PTK2: variants seen among roughly 807,000 people sequenced by gnomAD.
The protein encoded by PTK2 is focal adhesion kinase 1.
Under a neutral mutation model 150.1 loss-of-function variants are expected in PTK2, and 45 were observed. The observed-to-expected ratio is 0.30, with a 90% confidence interval of 0.24 to 0.38. PTK2 has a LOEUF of 0.38. Among genes scored for constraint, PTK2 ranks in the 10% least tolerant of loss-of-function variants. The pLI is 1.00. For missense variants in PTK2, 919 were observed against 1,307.3 expected, an observed-to-expected ratio of 0.70 and a Z score of 4.58; for synonymous variants, 432 against 449.2, an observed-to-expected ratio of 0.96 and a Z score of 0.48.
intron 22 of PTK2, chr8:140,718,128 C>T (rs1039193018): frequency 4.9e-5 from 8 of 164,852 alleles, no homozygotes; most frequent in African/African-American, 1.2e-4. Flanking sequence ...CCAGCACTTA[C>T]GTGATCAATT....
chr8:140,906,820 A>G (rs1250132017), intron 2 of PTK2, among the ~76,000 whole-genome samples: 1 of 152,182 alleles, frequency 6.6e-6, no homozygotes, highest in Admixed American at 6.5e-5. Context: ...AACACAAAGG[A>G]AAGAAAAGTG....
At chr8:140,841,094 T>C (rs962764740) in intron 7 of PTK2, among the ~76,000 whole-genome samples, 2 of 152,262 alleles carry the variant, frequency 1.3e-5, no homozygotes, top group East Asian at 1.9e-4. Context: ...AATAGACTTA[T>C]AGGAAGAAAT....
intron 17 of PTK2, among the ~76,000 whole-genome samples, chr8:140,747,975 T>C (rs1245855260): frequency 1.3e-5 from 2 of 151,450 alleles, no homozygotes; most frequent in Non-Finnish European, 3.0e-5. Context: ...GGTGAATTGC[T>C]GGGGGAGGAG....
intron 27 of PTK2, among the ~76,000 whole-genome samples, chr8:140,683,278 T>C (rs1415606571): frequency 6.6e-6 from 1 of 152,148 alleles, no homozygotes; most frequent in East Asian, 1.9e-4. Flanking sequence ...CCTGGACACA[T>C]ACACATTCCC....
chr8:140,932,921 G>A (rs2100172390), intron 1 of PTK2, among the ~76,000 whole-genome samples: 1 of 151,316 alleles, frequency 6.6e-6, no homozygotes, highest in Non-Finnish European at 1.5e-5. Context: ...GGGCAATCTC[G>A]GCTCACTGTA....
chr8:140,997,095 C>T (rs922953550), intron 1 of PTK2, among the ~76,000 whole-genome samples: 1 of 152,180 alleles, frequency 6.6e-6, no homozygotes, highest in Admixed American at 6.5e-5. Context: ...ATGGATAACT[C>T]TGAGGGATTC....
At chr8:140,718,501 A>AAACCCTC (rs2100041025) in intron 22 of PTK2, 1 of 152,188 alleles carries the variant, frequency 6.6e-6, no homozygotes. Context: ...AGACAGTTTG[A>AAACCCTC]AACCCTCGTC....
At chr8:140,984,311 C>T (rs1027683588) in intron 1 of PTK2, among the ~76,000 whole-genome samples, 12 of 152,162 alleles carry the variant, frequency 7.9e-5, no homozygotes, top group East Asian at 1.9e-4. Flanking sequence ...CCTTAACTAC[C>T]GCAATCAACA....
intron 12 of PTK2, among the ~76,000 whole-genome samples, chr8:140,797,213 G>A (rs747213136): frequency 6.6e-6 from 1 of 152,162 alleles, no homozygotes; most frequent in Non-Finnish European, 1.5e-5. Context: ...AACATAAAAT[G>A]AAATATATCA....
At chr8:140,789,162 G>C (rs2100086811) in intron 14 of PTK2, among the ~76,000 whole-genome samples, 1 of 151,488 alleles carries the variant, frequency 6.6e-6, no homozygotes, top group South Asian at 2.1e-4. Context: ...TGAATTGCAA[G>C]ATAAATTATA....
intron 8 of PTK2, among the ~76,000 whole-genome samples, chr8:140,819,844 TACTTAAAC>T (rs1474884834): frequency 2.1e-4 from 32 of 152,188 alleles, no homozygotes; most frequent in Non-Finnish European, 1.3e-4. Flanking sequence ...TTGAGTTTTC[TACTTAAAC>T]ACATGGAAAT....
intron 1 of PTK2, among the ~76,000 whole-genome samples, chr8:140,938,866 G>A (rs1332588486): frequency 6.6e-6 from 1 of 152,058 alleles, no homozygotes; most frequent in Admixed American, 6.5e-5. Context: ...ATTTTACCTA[G>A]GTGTGGTGGT....
intron 2 of PTK2, among the ~76,000 whole-genome samples, chr8:140,907,743 A>T (rs1452822289): frequency 2.0e-5 from 3 of 152,064 alleles, no homozygotes; most frequent in Non-Finnish European, 4.4e-5. Context: ...ATGATATTTG[A>T]TATTTCTATT....
chr8:140,972,649 T>C (rs568810941), intron 1 of PTK2, among the ~76,000 whole-genome samples: 4 of 152,324 alleles, frequency 2.6e-5, no homozygotes, highest in African/African-American at 9.6e-5. Context: ...ACCTACATAA[T>C]ATTCTTGTTT....
At chr8:140,714,012 C>A (rs2100038170) in intron 23 of PTK2, among the ~76,000 whole-genome samples, 1 of 152,138 alleles carries the variant, frequency 6.6e-6, no homozygotes, top group Non-Finnish European at 1.5e-5. Context: ...CCTCAGTCCA[C>A]TGAGTAGCTA....
chr8:140,965,244 T>C (rs149135247), intron 1 of PTK2, among the ~76,000 whole-genome samples: 91 of 152,284 alleles, frequency 6.0e-4, no homozygotes, highest in African/African-American at 2.1e-3. Flanking sequence ...AACTAAACTA[T>C]TGTCAGTTTA....
rs73714742 is a variant in PTK2, at chr8:140,735,240, C to T, written c.2030+11G>A. 3,317 of 1,612,780 alleles carry T rather than the reference C, an allele frequency of 2.1e-3. 63 individuals are homozygous for T. The African/African-American group carries it at 0.041, about 20-fold the overall frequency. Reference sequence around the variant, plus strand: ...CCCCACCCCCAGGCCCTCTCTCCCGCCAACTCCTACCTGAGCTGAGCTTTA... The same window carrying T: ...CCCCACCCCCAGGCCCTCTCTCCCGTCAACTCCTACCTGAGCTGAGCTTTA... On this transcript the variant is annotated intron_variant, in intron 22 of 31. Coordinates refer to ENST00000522684, the Ensembl canonical transcript of PTK2.
intron 1 of PTK2, among the ~76,000 whole-genome samples, chr8:140,972,444 T>C (rs984740517): frequency 6.6e-6 from 1 of 152,176 alleles, no homozygotes; most frequent in South Asian, 2.1e-4. Context: ...TCTGTATTTT[T>C]AGCAGAAACG....
chr8:140,789,598 G>A (rs963140771), intron 13 of PTK2, 72 bp from the exon 14 acceptor site: 1 of 1,489,316 alleles, frequency 6.7e-7, no homozygotes, highest in Non-Finnish European at 9.2e-7. Flanking sequence ...CTCATCAAGT[G>A]GGGAACTGCC....
Sources: allele counts gnomAD v4.1 joint callset (sites outside exome capture counted in the v4.1 genomes callset), GRCh38; gene constraint gnomAD v4.1.1; transcripts MANE v1.5; gene names NCBI Gene and HGNC (gene_info 2026-07-23, HGNC 2026-07-21).